Variants in PAPPA observed in about 807,000 individuals in gnomAD.
The protein encoded by PAPPA is pappalysin 1, also known as pappalysin-1.
Under a neutral mutation model 164.0 loss-of-function variants are expected in PAPPA, and 60 were observed. The observed-to-expected ratio is 0.37, with a 90% CI of 0.30 to 0.45. PAPPA has a LOEUF of 0.45. Among genes scored for constraint, PAPPA ranks in the 20% least tolerant of loss-of-function variants. The probability of loss-of-function intolerance (pLI) is 1.00; values close to 1 mark genes in which losing one functional copy is unlikely to be tolerated. For missense variants in PAPPA, 1,782 were observed against 2,087.3 expected, an observed-to-expected ratio of 0.85 and a Z score of 2.85; for synonymous variants, 875 against 814.1, an observed-to-expected ratio of 1.07 and a Z score of -1.27.
intron 1 of PAPPA, among the ~76,000 whole-genome samples, chr9:116,174,508 C>G (rs1398968717): frequency 8.5e-5 from 13 of 152,124 alleles, no homozygotes; most frequent in Non-Finnish European, 2.9e-5. Flanking sequence ...CTCTTGGCTC[C>G]TTAGAATGGG....
chr9:116,170,926 T>A (rs1219225311), intron 1 of PAPPA, among the ~76,000 whole-genome samples: 1 of 152,060 alleles, frequency 6.6e-6, no homozygotes, highest in East Asian at 1.9e-4. Flanking sequence ...ACCTTATGCT[T>A]CCACATAGTA....
intron 9 of PAPPA, among the ~76,000 whole-genome samples, chr9:116,295,553 C>CAAAA (rs56171405): frequency 8.7e-6 from 1 of 114,702 alleles, no homozygotes; most frequent in African/African-American, 3.5e-5. Context: ...GACTCGGTCT[C>CAAAA]AAAAAAAAAA....
intron 7 of PAPPA, among the ~76,000 whole-genome samples, chr9:116,242,685 G>A (rs1844750028): frequency 6.6e-6 from 1 of 152,196 alleles, no homozygotes. Flanking sequence ...TTGCTAGGGT[G>A]AATACTGAGA....
chr9:116,388,022 T>G (rs937172499), intron 21 of PAPPA, among the ~76,000 whole-genome samples: 1 of 152,190 alleles, frequency 6.6e-6, no homozygotes, highest in Non-Finnish European at 1.5e-5. Flanking sequence ...GGCTAGGGCC[T>G]CCGTGATGCC....
intron 18 of PAPPA, among the ~76,000 whole-genome samples, chr9:116,365,350 G>A (rs1053119900): frequency 6.6e-6 from 1 of 152,072 alleles, no homozygotes. Flanking sequence ...CGCGCCTCCC[G>A]GGAAGGAGAC....
intron 2 of PAPPA, among the ~76,000 whole-genome samples, chr9:116,203,676 G>A (rs1394480650): frequency 6.6e-6 from 1 of 152,158 alleles, no homozygotes; most frequent in Non-Finnish European, 1.5e-5. Context: ...ACCATGCTAG[G>A]CACTTAACCC....
chr9:116,399,949 C>T lies in PAPPA; in HGVS notation c.*3333C>T, dbSNP rs1847024807. ...AATAATTCTTTGAGACAGATTTCAGCTACCTCCCTTCCAGGTTCGATTTAA... is the reference window on the plus strand; with the variant it reads ...AATAATTCTTTGAGACAGATTTCAGTTACCTCCCTTCCAGGTTCGATTTAA... On this transcript the variant is annotated 3_prime_UTR_variant, in exon 22 of 22. Transcript: ENST00000328252. 1.3e-5 allele frequency: 2 copies of T among 152,552 alleles called. No individual in the cohort carries two copies. The highest frequency in any genetic ancestry group is 4.1e-4 in the South Asian group (2 of 4,828). 9.4% of individuals were successfully genotyped at this position (152,552 alleles called of 1,614,324 possible). A position where few individuals can be genotyped will look rare whatever the true frequency, so the allele number is the denominator to read the frequency against.
intron 6 of PAPPA, among the ~76,000 whole-genome samples, chr9:116,231,948 A>T (rs1844603709): frequency 6.6e-6 from 1 of 151,052 alleles, no homozygotes; most frequent in Non-Finnish European, 1.5e-5. Flanking sequence ...TTTAATAGAG[A>T]TGACCATGTA....
At chr9:116,339,647 T>C (rs540507228) in intron 13 of PAPPA, among the ~76,000 whole-genome samples, 1 of 152,334 alleles carries the variant, frequency 6.6e-6, no homozygotes, top group East Asian at 1.9e-4. Flanking sequence ...GTTGTCCCCA[T>C]CTGAGCAACC....
intron 21 of PAPPA, among the ~76,000 whole-genome samples, chr9:116,389,410 A>T (rs1846860994): frequency 6.6e-6 from 1 of 152,074 alleles, no homozygotes; most frequent in South Asian, 2.1e-4. Flanking sequence ...ATCACACCTC[A>T]ATGCAAAGAC....
At chr9:116,293,170 C>T (rs528321024) in intron 9 of PAPPA, among the ~76,000 whole-genome samples, 5 of 152,084 alleles carry the variant, frequency 3.3e-5, no homozygotes, top group South Asian at 4.2e-4. Flanking sequence ...GTTTAGATAA[C>T]GCAATAAATT....
intron 1 of PAPPA, among the ~76,000 whole-genome samples, chr9:116,166,482 C>G (rs763751049): frequency 8.5e-5 from 13 of 152,196 alleles, no homozygotes; most frequent in Non-Finnish European, 1.8e-4. Flanking sequence ...ACCCATTTCC[C>G]TCCTTTCTGT....
intron 7 of PAPPA, among the ~76,000 whole-genome samples, chr9:116,237,412 C>T (rs1360558136): frequency 3.9e-5 from 6 of 152,178 alleles, no homozygotes; most frequent in Non-Finnish European, 8.8e-5. Context: ...CTTAAACTTT[C>T]TTTATAAAAC....
chr9:116,250,907 C>G (rs565884190), intron 7 of PAPPA, among the ~76,000 whole-genome samples: 3 of 152,288 alleles, frequency 2.0e-5, no homozygotes, highest in Admixed American at 2.0e-4. Context: ...TCAGCTCCCT[C>G]TGATCATAGA....
rs1421494659 is a variant in PAPPA, at chr9:116,400,426, T to C, written c.*3810T>C. 6.6e-6 allele frequency: 1 copy of C among 152,108 alleles called. No homozygotes were observed. Among genetic ancestry groups the C allele is most frequent in the Non-Finnish European group, 1.5e-5 (1 of 68,008 alleles). The allele number at this position is 152,108 out of a possible 1,614,324, so 9.4% of individuals were successfully genotyped here. A position where few individuals can be genotyped will look rare whatever the true frequency, so the allele number is the denominator to read the frequency against. The stretch of plus-strand genomic sequence containing the variant: ...GTTGTTGGGTGGGGTGGGCATTTTG[T>C]TTATTTGTTTGGTGGCAATCAGTGG... On this transcript the variant is annotated 3_prime_UTR_variant, in exon 22 of 22. Coordinates refer to ENST00000328252, the MANE Select transcript of PAPPA (RefSeq NM_002581.5).
At chr9:116,200,693 T>A (rs1844162313) in intron 2 of PAPPA, among the ~76,000 whole-genome samples, 1 of 152,178 alleles carries the variant, frequency 6.6e-6, no homozygotes, top group African/African-American at 2.4e-5. Context: ...ATAATGAAAA[T>A]CATGCTTTTT....
intron 10 of PAPPA, among the ~76,000 whole-genome samples, chr9:116,326,597 G>A (rs909556685): frequency 2.7e-5 from 4 of 146,540 alleles, no homozygotes; most frequent in African/African-American, 7.7e-5. Context: ...AGAGCACACC[G>A]TGAGATCTAC....
At chr9:116,248,339 G>A (rs1304831799) in intron 7 of PAPPA, among the ~76,000 whole-genome samples, 3 of 152,202 alleles carry the variant, frequency 2.0e-5, no homozygotes, top group African/African-American at 7.2e-5. Flanking sequence ...TTGATCAGGT[G>A]GGTCCCCAAC....
intron 3 of PAPPA, 80 bp downstream of exon 3, chr9:116,207,681 T>A (rs1844253960): frequency 1.8e-6 from 2 of 1,086,060 alleles, no homozygotes. Context: ...ATTGTTACGA[T>A]CATGATGGTG....
Sources: gnomAD v4.1 joint callset for allele counts (sites outside exome capture counted in the v4.1 genomes callset) on GRCh38, gnomAD v4.1.1 for gene constraint, MANE v1.5 for transcripts, NCBI Gene and HGNC (gene_info 2026-07-23, HGNC 2026-07-21) for gene names.